The following CCDC33 variants were observed in gnomAD, a reference collection of about 807,000 sequenced individuals.
CCDC33 encodes the protein coiled-coil domain containing 33.
CCDC33 carries 94 observed loss-of-function variants against 91.9 expected under a neutral mutation model. The observed-to-expected ratio is 1.02, with a 90% CI of 0.87 to 1.21. CCDC33 has a LOEUF of 1.21. Among genes scored for constraint, CCDC33 ranks in the 50% most tolerant of loss-of-function variants. CCDC33 has a pLI of 0.00. For missense variants in CCDC33, 940 were observed against 935.5 expected (o/e 1.00, Z -0.06); for synonymous variants, 396 against 374.5 (o/e 1.06, Z -0.66).
chr15:74,280,058 A>T lies in CCDC33; in HGVS notation c.855A>T (p.Thr285=). The T allele has an allele frequency of 1.2e-6, 2 of 1,614,124 alleles. No individual in the cohort carries two copies. Among genetic ancestry groups the T allele is most frequent in the Non-Finnish European group, 1.7e-6 (2 of 1,179,988 alleles). The part of the protein sequence containing the change: ...RDGATSFSED[T]ALVLEYYSST... ...GAGCTACCAGCTTCTCAGAAGACAC[A>T]GCCCTGGTGCTGGAGTACTACTCCT... The change falls in exon 8 of 19, where the codon ACA becomes ACT. Residue 285 remains threonine, a synonymous_variant. Transcript: ENST00000398814.
At chr15:74,335,753 T>C in intron 18 of CCDC33, 172 bp from the exon 19 acceptor site, 1 of 616,568 alleles carries the variant, frequency 1.6e-6, no homozygotes, top group Non-Finnish European at 2.9e-6. Flanking sequence ...TGGGGACCCT[T>C]GGAGAAATTA....
intron 11 of CCDC33, among the ~76,000 whole-genome samples, chr15:74,308,227 C>A (rs963674962): frequency 5.3e-5 from 8 of 152,244 alleles, no homozygotes; most frequent in Admixed American, 5.2e-4. Flanking sequence ...GTCCCTCCCC[C>A]AACCCTCACC....
chr15:74,336,342 G>A (rs2060567177), downstream of CCDC33: 1 of 1,364,882 alleles, frequency 7.3e-7, no homozygotes, highest in African/African-American at 1.5e-5. Context: ...AGGGGCCAGG[G>A]AGACGGGCCC....
intron 2 of CCDC33, among the ~76,000 whole-genome samples, chr15:74,223,720 G>GCCGA (rs1555460789): frequency 1.3e-4 from 5 of 39,020 alleles, no homozygotes; most frequent in Non-Finnish European, 2.6e-4. Flanking sequence ...CCCACCGCCA[G>GCCGA]CATACACACA....
intron 5 of CCDC33, among the ~76,000 whole-genome samples, chr15:74,270,238 G>A (rs563722973): frequency 3.3e-5 from 5 of 152,302 alleles, no homozygotes; most frequent in African/African-American, 4.8e-5. Flanking sequence ...AGGAGGGTGC[G>A]GAGGGAGAAA....
At chr15:74,297,243 C>T (rs2059706687) in intron 11 of CCDC33, among the ~76,000 whole-genome samples, 2 of 152,170 alleles carry the variant, frequency 1.3e-5, no homozygotes, top group Admixed American at 1.3e-4. Context: ...GGGAAAGAGC[C>T]CTTGGGATTA....
chr15:74,239,602 C>G (rs1304183290), intron 1 of CCDC33, among the ~76,000 whole-genome samples: 20 of 152,236 alleles, frequency 1.3e-4, no homozygotes, highest in Non-Finnish European at 2.9e-4. Flanking sequence ...AGCCCAGCCT[C>G]TCATCCACTG....
intron 10 of CCDC33, among the ~76,000 whole-genome samples, chr15:74,293,261 A>G (rs2059619113): frequency 6.6e-6 from 1 of 152,154 alleles, no homozygotes; most frequent in Non-Finnish European, 1.5e-5. Flanking sequence ...CAGGGCATAG[A>G]GATTGGCTTT....
At chr15:74,231,548 AAAG>A (rs2074971536), upstream of CCDC33, among the ~76,000 whole-genome samples, 2 of 152,044 alleles carry the variant, frequency 1.3e-5, no homozygotes, top group Admixed American at 1.3e-4. Context: ...TGGAGAGAGG[AAAG>A]GAGAGCTGCG....
At chr15:74,302,187 G>A (rs16967830) in intron 11 of CCDC33, 9,098 of 151,554 alleles carry the variant, frequency 0.06, 676 homozygotes, top group African/African-American at 0.18. Flanking sequence ...AGAATGATTC[G>A]GCCTTAATCC....
chr15:74,284,528 A>G (rs2059434091), intron 10 of CCDC33, among the ~76,000 whole-genome samples: 2 of 152,222 alleles, frequency 1.3e-5, no homozygotes, highest in Admixed American at 6.5e-5. Flanking sequence ...ACATTTCTGA[A>G]GCACCCACAT....
At chr15:74,286,988 T>C (rs1337650329) in intron 10 of CCDC33, among the ~76,000 whole-genome samples, 1 of 152,214 alleles carries the variant, frequency 6.6e-6, no homozygotes, top group East Asian at 1.9e-4. Flanking sequence ...CAAAGATCTC[T>C]CTGGAGACCA....
At chr15:74,308,354 G>GACACACAC (rs5813758) in intron 11 of CCDC33, among the ~76,000 whole-genome samples, 9,576 of 141,644 alleles carry the variant, frequency 0.068, 452 homozygotes, top group African/African-American at 0.11. Context: ...TGTGCAGACA[G>GACACACAC]ACAGACACAC....
chr15:74,296,021 T>G (rs1435001996), intron 11 of CCDC33, 73 bp downstream of exon 11: 5 of 1,333,578 alleles, frequency 3.7e-6, no homozygotes, highest in Non-Finnish European at 5.1e-6. Flanking sequence ...GACTGCCATC[T>G]GCAGGACTGC....
intron 11 of CCDC33, chr15:74,300,869 A>T (rs138818772): frequency 6.6e-6 from 1 of 152,384 alleles, no homozygotes; most frequent in African/African-American, 2.4e-5. Flanking sequence ...CCAGACTGCA[A>T]CCCAACCATT....
chr15:74,213,187 A>G (rs1276867222), upstream of CCDC33: 6 of 151,490 alleles, frequency 4.0e-5, no homozygotes, highest in Non-Finnish European at 8.8e-5. Flanking sequence ...CTGCACACCA[A>G]TCTGGGCGAG....
intron 11 of CCDC33, among the ~76,000 whole-genome samples, chr15:74,309,613 T>C (rs535967058): frequency 2.0e-5 from 3 of 148,526 alleles, no homozygotes; most frequent in African/African-American, 5.3e-5. Flanking sequence ...TTCTGGCGCC[T>C]TTTTTTCCTA....
chr15:74,297,895 AG>A (rs1479535901), intron 11 of CCDC33, among the ~76,000 whole-genome samples: 1 of 152,158 alleles, frequency 6.6e-6, no homozygotes, highest in Non-Finnish European at 1.5e-5. Context: ...CCCCAAGCTA[AG>A]CCTCCACCTT....
intron 5 of CCDC33, 79 bp from the exon 6 acceptor site, chr15:74,271,624 G>T (rs1008075967): frequency 9.8e-7 from 1 of 1,024,656 alleles, no homozygotes; most frequent in African/African-American, 1.6e-5. Flanking sequence ...GAAAAAGAGG[G>T]TAGGCAGTCT....
Sources: allele counts gnomAD v4.1 joint callset (sites outside exome capture counted in the v4.1 genomes callset), GRCh38; gene constraint gnomAD v4.1.1; transcripts MANE v1.5; gene names NCBI Gene and HGNC (gene_info 2026-07-23, HGNC 2026-07-21).